Variants in KIRREL3 observed in about 807,000 individuals in gnomAD.
KIRREL3 encodes the protein kirre like nephrin family adhesion molecule 3, also known as kin of IRRE-like protein 3.
Under a neutral mutation model 89.7 loss-of-function variants are expected in KIRREL3, and 36 were observed. That is an observed-to-expected ratio of 0.40 (90% CI 0.31 to 0.53). KIRREL3 has a LOEUF of 0.53. KIRREL3 is among the 20% of genes least tolerant of loss of function. The probability of loss-of-function intolerance (pLI) is 0.49; values close to 1 mark genes in which losing one functional copy is unlikely to be tolerated. For synonymous variants in KIRREL3, 445 were observed against 441.4 expected (o/e 1.01, Z -0.10); for missense variants, 864 against 1,056.6 (o/e 0.82, Z 2.53).
At position 126,642,985 on chromosome 11, in the gene KIRREL3, C is replaced by CCCATCCATCCAT. The variant is rs372066492; in HGVS notation, c.56-80085_56-80074dup. Among the ~76,000 whole-genome samples, 19,440 of 150,668 alleles carry CCCATCCATCCAT rather than the reference C, an allele frequency of 0.13. 1,446 individuals carry two copies. Among genetic ancestry groups the CCCATCCATCCAT allele is most frequent in the East Asian group, 0.26 (1,327 of 5,100 alleles). ...GGTACTTTGGCCTCCCTTCTTCCCT[C>CCCATCCATCCAT]CCATCCATCCATCCATCCATCCATC... is the stretch of plus-strand genomic sequence containing the variant. On this transcript the variant is annotated intron_variant, in intron 1 of 16. Transcript: ENST00000525144. The surrounding 1 kb of genome is among the most constrained non-coding windows in gnomAD (Gnocchi z 4.9).
chr11:126,535,170 C>T lies in KIRREL3; in HGVS notation c.134-8483G>A, dbSNP rs1937745207. The stretch of plus-strand genomic sequence containing the variant: ...TGGATGTCTTCCCCAGTTGTTTCCC[C>T]ACCCTCCTCCATCGGGACTCCTCCT... On this transcript the variant is annotated intron_variant, in intron 2 of 16. Transcript: ENST00000525144. This position sits in a 1 kb window ranked among gnomAD's most constrained non-coding sequence, Gnocchi z 4.5. 6.6e-6 allele frequency among the ~76,000 whole-genome samples: 1 copy of T among 152,080 alleles called. No homozygotes were observed. Among genetic ancestry groups the T allele is most frequent in the African/African-American group, 2.4e-5 (1 of 41,386 alleles).
At position 126,643,752 on chromosome 11, in the gene KIRREL3, G is replaced by T. The variant is rs1286110532; in HGVS notation, c.56-80840C>A. Among the ~76,000 whole-genome samples, 1 of 152,146 alleles carries T rather than the reference G, an allele frequency of 6.6e-6. No homozygotes were observed. Among genetic ancestry groups the T allele is most frequent in the East Asian group, 1.9e-4 (1 of 5,206 alleles). On this transcript the variant is annotated intron_variant, in intron 1 of 16. Transcript: ENST00000525144. The surrounding 1 kb of genome is among the most constrained non-coding windows in gnomAD (Gnocchi z 4.5). ...AGTAATCTCAGTGAGATTACGTGAG[G>T]ATTTTAACAAAGCTGGTGACAGTAG...
At chr11:126,798,771 G>A (rs1419813389) in intron 1 of KIRREL3, among the ~76,000 whole-genome samples, 1 of 152,202 alleles carries the variant, frequency 6.6e-6, no homozygotes, top group African/African-American at 2.4e-5. Flanking sequence ...AGCAGCATTA[G>A]CCTGGGAAAC....
intron 1 of KIRREL3, among the ~76,000 whole-genome samples, chr11:126,721,651 G>A (rs1201374384): frequency 2.6e-5 from 4 of 152,210 alleles, no homozygotes; most frequent in Non-Finnish European, 5.9e-5. Flanking sequence ...CTGCTCAAGA[G>A]GACAGAGATT....
Position 126,796,456 on chromosome 11 carries a change from G to A in KIRREL3, c.55+203999C>T, listed in dbSNP as rs1950815219. Among the ~76,000 whole-genome samples the A allele has an allele frequency of 6.6e-6, 1 of 152,056 alleles. No homozygotes were observed. On this transcript the variant is annotated intron_variant, in intron 1 of 16. Transcript: ENST00000525144. This position sits in a 1 kb window ranked among gnomAD's most constrained non-coding sequence, Gnocchi z 5.1. ...GGGGACGCGCAGTTGTGGGTAACTG[G>A]CCTTCACCTTAAATATAGCAAGTTA...
At position 126,501,943 on chromosome 11, in the gene KIRREL3, C is replaced by T. The variant is rs1018879336; in HGVS notation, c.433+19372G>A. Among the ~76,000 whole-genome samples, 4 of 152,170 alleles carry T rather than the reference C, an allele frequency of 2.6e-5. No homozygotes were observed. The highest frequency in any genetic ancestry group is 4.8e-5 in the African/African-American group (2 of 41,444). ...GAGTGGGGACTGGTGGGCCACATCC[C>T]GCCCAAGGGAGCAGCCATTACATAA... On this transcript the variant is annotated intron_variant, in intron 4 of 16. Transcript: ENST00000525144. This position sits in a 1 kb window ranked among gnomAD's most constrained non-coding sequence, Gnocchi z 5.8.
At chr11:126,972,378 G>A (rs1949450842) in intron 1 of KIRREL3, among the ~76,000 whole-genome samples, 1 of 152,154 alleles carries the variant, frequency 6.6e-6, no homozygotes, top group Non-Finnish European at 1.5e-5. Context: ...CTATGCAAAA[G>A]CTGACAAATT....
In KIRREL3 at chr11:126,530,601, C is replaced by G. The variant is rs2134455669; in HGVS notation, c.134-3914G>C. On this transcript the variant is annotated intron_variant, in intron 2 of 16. Transcript: ENST00000525144. The surrounding 1 kb of genome is among the most constrained non-coding windows in gnomAD (Gnocchi z 5.8). The stretch of plus-strand genomic sequence containing the variant: ...CAGGGGAACAGGCCTGGCCACCCCT[C>G]CAGGAGCTCGCAGCTGTGCCCCCTC... Among the ~76,000 whole-genome samples the G allele has an allele frequency of 6.6e-6, 1 of 152,316 alleles. No individual in the cohort carries two copies. The highest frequency in any genetic ancestry group is 1.9e-4 in the East Asian group (1 of 5,186).
chr11:126,541,584 G>A lies in KIRREL3; in HGVS notation c.134-14897C>T, dbSNP rs1019413678. ...TCAGAGACGGTTCTAAAACTTCCATGTGCATGAGGATCACCTGGGGGACTG... is the reference window on the plus strand; with the variant it reads ...TCAGAGACGGTTCTAAAACTTCCATATGCATGAGGATCACCTGGGGGACTG... On this transcript the variant is annotated intron_variant, in intron 2 of 16. Transcript: ENST00000525144. This position sits in a 1 kb window ranked among gnomAD's most constrained non-coding sequence, Gnocchi z 4.8. Among the ~76,000 whole-genome samples the A allele has an allele frequency of 6.6e-6, 1 of 152,182 alleles. No homozygotes were observed. Among genetic ancestry groups the A allele is most frequent in the Non-Finnish European group, 1.5e-5 (1 of 68,042 alleles).
chr11:126,613,480 T>C (rs748449419), intron 1 of KIRREL3, among the ~76,000 whole-genome samples: 7 of 152,184 alleles, frequency 4.6e-5, no homozygotes, highest in Non-Finnish European at 8.8e-5. Flanking sequence ...AATCATTTGA[T>C]TGATGTGCAA....
In KIRREL3 at chr11:126,780,300, A is replaced by G. The variant is rs927991373; in HGVS notation, c.56-217388T>C. ...TATCTTCTTCCGAGTCCACTAGAGA[A>G]GTGTGGCACAGGAGAGAGCCTTAGC... On this transcript the variant is annotated intron_variant, in intron 1 of 16. Transcript: ENST00000525144. This position sits in a 1 kb window ranked among gnomAD's most constrained non-coding sequence, Gnocchi z 5.3. 1.3e-5 allele frequency among the ~76,000 whole-genome samples: 2 copies of G among 152,208 alleles called. No individual in the cohort carries two copies. The highest frequency in any genetic ancestry group is 1.3e-4 in the Admixed American group (2 of 15,278).
chr11:126,875,853 G>C (rs1380041102), intron 1 of KIRREL3, among the ~76,000 whole-genome samples: 3 of 152,176 alleles, frequency 2.0e-5, no homozygotes, highest in Non-Finnish European at 4.4e-5. Context: ...ATAGTACAGG[G>C]AAAACATAAT....
chr11:126,955,962 G>A lies in KIRREL3; in HGVS notation c.55+44493C>T, dbSNP rs113514855. Among the ~76,000 whole-genome samples the A allele has an allele frequency of 2.4e-4, 37 of 152,246 alleles. No homozygotes were observed. Among genetic ancestry groups the A allele is most frequent in the African/African-American group, 6.0e-4 (25 of 41,542 alleles). ...CACAACAAAATGCAAAATGTTAAAC[G>A]TTCTATGAAAAAAGGGACAGGGAAC... On this transcript the variant is annotated intron_variant, in intron 1 of 16. Transcript: ENST00000525144. The surrounding 1 kb of genome is among the most constrained non-coding windows in gnomAD (Gnocchi z 4.6).
At chr11:126,803,404 A>G (rs147200112) in intron 1 of KIRREL3, among the ~76,000 whole-genome samples, 37 of 152,324 alleles carry the variant, frequency 2.4e-4, no homozygotes, top group African/African-American at 7.9e-4. Context: ...GCCTAGTCGC[A>G]TGAGGACTGG....
Position 126,449,170 on chromosome 11 carries a change from C to T in KIRREL3, c.849-13G>A, listed in dbSNP as rs916859656. 1 of 1,613,322 alleles carries T rather than the reference C, an allele frequency of 6.2e-7. No homozygotes were observed. Among genetic ancestry groups the T allele is most frequent in the Non-Finnish European group, 8.5e-7 (1 of 1,179,454 alleles). Reference sequence around the variant, plus strand: ...CCGCTTGGCCCACCTGCAACAAAGGCCAGGGGCTGATGTGGGCCTTGAGTG... The same window carrying T: ...CCGCTTGGCCCACCTGCAACAAAGGTCAGGGGCTGATGTGGGCCTTGAGTG... On this transcript the variant is annotated splice_polypyrimidine_tract_variant and intron_variant, in intron 7 of 16. Transcript: ENST00000525144.
rs1054764567 is a variant in KIRREL3, at chr11:126,516,026, G to A, written c.433+5289C>T. Among the ~76,000 whole-genome samples the A allele has an allele frequency of 2.6e-5, 4 of 152,328 alleles. No individual in the cohort carries two copies. In the South Asian group the frequency reaches 6.2e-4, roughly 24 times the overall value. On this transcript the variant is annotated intron_variant, in intron 4 of 16. Coordinates refer to ENST00000525144, the MANE Select transcript of KIRREL3 (RefSeq NM_032531.4). This position sits in a 1 kb window ranked among gnomAD's most constrained non-coding sequence, Gnocchi z 4.9. ...GGAGATTGGGGGAGGCTGCCAACGC[G>A]GTGGGCTGAGGAGGCCCTGCAGCTC... is the stretch of plus-strand genomic sequence containing the variant.
Position 126,475,306 on chromosome 11 carries a change from C to T in KIRREL3, c.434-1840G>A, listed in dbSNP as rs1046696133. 6.6e-6 allele frequency among the ~76,000 whole-genome samples: 1 copy of T among 152,190 alleles called. No individual in the cohort carries two copies. The highest frequency in any genetic ancestry group is 1.5e-5 in the Non-Finnish European group (1 of 68,032). On this transcript the variant is annotated intron_variant, in intron 4 of 16. Coordinates refer to ENST00000525144, the MANE Select transcript of KIRREL3 (RefSeq NM_032531.4). The surrounding 1 kb of genome is among the most constrained non-coding windows in gnomAD (Gnocchi z 7.5). ...CAGCCTGCATGGGAACTTCCCTCCC[C>T]TTCTCAGGGGATCGCCCCGTCAGCC...
At chr11:126,933,605 G>A (rs1948049327) in intron 1 of KIRREL3, among the ~76,000 whole-genome samples, 2 of 151,760 alleles carry the variant, frequency 1.3e-5, no homozygotes, top group South Asian at 4.2e-4. Flanking sequence ...AAGTCAGCAA[G>A]TTCACAAGAT....
intron 1 of KIRREL3, among the ~76,000 whole-genome samples, chr11:126,819,809 C>G (rs1407659978): frequency 6.6e-6 from 1 of 152,230 alleles, no homozygotes; most frequent in East Asian, 1.9e-4. Flanking sequence ...ATCTGTAAGA[C>G]AGTGGCTCTT....
Sources: gnomAD v4.1 joint callset for allele counts (sites outside exome capture counted in the v4.1 genomes callset) on GRCh38, gnomAD v4.1.1 for gene constraint, Gnocchi (gnomAD v3.1) non-coding constraint, MANE v1.5 for transcripts, NCBI Gene and HGNC (gene_info 2026-07-23, HGNC 2026-07-21) for gene names.